PEPD: variants seen among roughly 807,000 people sequenced by gnomAD.
PEPD encodes xaa-Pro dipeptidase.
Under a neutral mutation model 60.7 loss-of-function variants are expected in PEPD, and 53 were observed. The observed-to-expected ratio is 0.87, with a 90% CI of 0.70 to 1.10. PEPD has a LOEUF of 1.10. PEPD is among the 50% of genes least tolerant of loss of function. PEPD has a pLI of 0.00. For missense variants in PEPD, 711 were observed against 711.9 expected, an observed-to-expected ratio of 1.00 and a Z score of 0.01; for synonymous variants, 267 against 284.1, an observed-to-expected ratio of 0.94 and a Z score of 0.60.
chr19:33,395,309 C>G (rs1021870612), intron 12 of PEPD, among the ~76,000 whole-genome samples: 3 of 152,172 alleles, frequency 2.0e-5, no homozygotes, highest in African/African-American at 7.2e-5. Flanking sequence ...GGGTGGTGCC[C>G]GTACTCTGCT....
intron 9 of PEPD, among the ~76,000 whole-genome samples, chr19:33,416,475 T>G (rs1968894131): frequency 6.6e-6 from 1 of 152,136 alleles, no homozygotes; most frequent in Admixed American, 6.5e-5. Flanking sequence ...TTCCATAAAT[T>G]TATGACTCAC....
At chr19:33,504,984 C>G (rs1193950988) in intron 3 of PEPD, among the ~76,000 whole-genome samples, 1 of 152,150 alleles carries the variant, frequency 6.6e-6, no homozygotes, top group Non-Finnish European at 1.5e-5. Flanking sequence ...TCCCCGGAGT[C>G]AAAGCCCATG....
intron 9 of PEPD, among the ~76,000 whole-genome samples, chr19:33,443,879 GCACA>G (rs145734897): frequency 1.3e-5 from 2 of 151,418 alleles, no homozygotes; most frequent in Non-Finnish European, 3.0e-5. Context: ...ACATGCGCGT[GCACA>G]CACACACACA....
At chr19:33,482,347 T>G (rs1007310647) in intron 6 of PEPD, among the ~76,000 whole-genome samples, 9 of 152,142 alleles carry the variant, frequency 5.9e-5, no homozygotes, top group Non-Finnish European at 1.0e-4. Context: ...TAAAACCATA[T>G]GCTTGTATAA....
intron 9 of PEPD, among the ~76,000 whole-genome samples, chr19:33,428,350 C>T (rs180923475): frequency 6.6e-6 from 1 of 152,304 alleles, no homozygotes; most frequent in East Asian, 1.9e-4. Context: ...CCCACAGCAA[C>T]ACCTATCCCA....
At chr19:33,474,566 T>C (rs1970182187) in intron 7 of PEPD, among the ~76,000 whole-genome samples, 1 of 151,786 alleles carries the variant, frequency 6.6e-6, no homozygotes, top group Non-Finnish European at 1.5e-5. Flanking sequence ...TGCGCACCTG[T>C]AGTGGGGAGG....
intron 3 of PEPD, among the ~76,000 whole-genome samples, chr19:33,510,289 C>T (rs180890549): frequency 2.0e-5 from 3 of 152,086 alleles, no homozygotes; most frequent in Admixed American, 2.0e-4. Flanking sequence ...TTTTAAGGAG[C>T]GGAGAGTTTA....
chr19:33,508,695 G>C (rs1970861732), intron 3 of PEPD, among the ~76,000 whole-genome samples: 1 of 152,208 alleles, frequency 6.6e-6, no homozygotes, highest in Non-Finnish European at 1.5e-5. Context: ...AGAGAACCAG[G>C]TGGAAGCCAC....
Position 33,512,713 on chromosome 19 carries a change from C to T in PEPD, c.81G>A (p.Arg27=), listed in dbSNP as rs774960807. The change falls in exon 2 of 15, where the codon CGG becomes CGA. Residue 27 remains arginine, a synonymous_variant. Coordinates refer to ENST00000244137, the MANE Select transcript of PEPD (RefSeq NM_000285.4). ...KVPLALFALN[R]QRLCERLRKN... ...TCCGCAGCCGCTCACACAGGCGCTG[C>T]CGGTTCAAGGCAAAGAGCGCCAGCG... 4 of 1,614,002 alleles carry T rather than the reference C, an allele frequency of 2.5e-6. No homozygotes were observed. The highest frequency in any genetic ancestry group is 2.2e-5 in the South Asian group (2 of 91,088).
chr19:33,402,546 G>A (rs531033748), intron 11 of PEPD, among the ~76,000 whole-genome samples: 14 of 152,320 alleles, frequency 9.2e-5, no homozygotes, highest in African/African-American at 2.2e-4. Context: ...CTCTGCCCAT[G>A]GGGATGGGAC....
chr19:33,437,401 C>T (rs557502437), intron 9 of PEPD, among the ~76,000 whole-genome samples: 50 of 151,814 alleles, frequency 3.3e-4, no homozygotes, highest in African/African-American at 1.2e-3. Context: ...CAATTTTCAA[C>T]AGCCACACGA....
At chr19:33,440,867 C>T (rs755434305) in intron 9 of PEPD, among the ~76,000 whole-genome samples, 4 of 152,164 alleles carry the variant, frequency 2.6e-5, no homozygotes, top group Non-Finnish European at 4.4e-5. Context: ...GTGTGTAATC[C>T]GGTGAGGGGC....
chr19:33,460,141 G>T (rs1304209532), intron 9 of PEPD, among the ~76,000 whole-genome samples: 1 of 152,166 alleles, frequency 6.6e-6, no homozygotes, highest in Non-Finnish European at 1.5e-5. Context: ...GTTAAGAAAA[G>T]AATTCTCAAG....
rs1063319 is a variant in PEPD, at chr19:33,401,756, C to T, written c.932G>A (p.Arg311Gln). 2.1e-5 allele frequency: 33 copies of T among 1,609,576 alleles called. No individual in the cohort carries two copies. Among genetic ancestry groups the T allele is most frequent in the South Asian group, 7.7e-5 (7 of 90,390 alleles). ...GGCACCCATGACGGCACGGGAGCTCCGCAGCACTGCCTCATAGACGGCCTT... is the reference window on the plus strand; with the variant it reads ...GGCACCCATGACGGCACGGGAGCTCTGCAGCACTGCCTCATAGACGGCCTT... The part of the protein sequence containing the change: ...DQKAVYEAVL[R>Q]SSRAVMGAMK... Residue 311 changes from arginine to glutamine, a missense_variant, in exon 12 of 15, where the codon CGG (arginine) becomes CAG (glutamine). By Grantham distance (43) the Arg-to-Gln change is conservative (BLOSUM62 1). Coordinates refer to ENST00000244137, the MANE Select transcript of PEPD (RefSeq NM_000285.4).
chr19:33,433,503 A>G (rs1018020934), intron 9 of PEPD, among the ~76,000 whole-genome samples: 3 of 152,222 alleles, frequency 2.0e-5, no homozygotes, highest in African/African-American at 7.2e-5. Context: ...TTCAGTGGCT[A>G]TGAACTGTTA....
intron 3 of PEPD, among the ~76,000 whole-genome samples, chr19:33,506,808 CCA>C (rs1240567421): frequency 5.3e-5 from 8 of 150,518 alleles, no homozygotes; most frequent in African/African-American, 4.9e-5. Flanking sequence ...ACCCTACACA[CCA>C]CACACACAAA....
At chr19:33,399,958 C>T (rs1167331918) in intron 12 of PEPD, among the ~76,000 whole-genome samples, 1 of 152,016 alleles carries the variant, frequency 6.6e-6, no homozygotes, top group African/African-American at 2.4e-5. Context: ...AAGTAAGGTA[C>T]CTGGCCAGCA....
chr19:33,510,046 C>G (rs1970891132), intron 3 of PEPD, among the ~76,000 whole-genome samples: 1 of 152,366 alleles, frequency 6.6e-6, no homozygotes, highest in African/African-American at 2.4e-5. Flanking sequence ...CCACCACCCT[C>G]AGGCACGCAC....
At chr19:33,405,244 G>A (rs1474282442) in intron 11 of PEPD, among the ~76,000 whole-genome samples, 1 of 152,222 alleles carries the variant, frequency 6.6e-6, no homozygotes, top group African/African-American at 2.4e-5. Flanking sequence ...GCAGGGACCC[G>A]CCAGCCCAGA....
Sources: allele counts gnomAD v4.1 joint callset (sites outside exome capture counted in the v4.1 genomes callset), GRCh38; gene constraint gnomAD v4.1.1; transcripts MANE v1.5; gene names NCBI Gene and HGNC (gene_info 2026-07-23, HGNC 2026-07-21).